DDX60: variants seen among roughly 807,000 people sequenced by gnomAD.
DDX60 encodes the protein probable ATP-dependent RNA helicase DDX60.
A neutral mutation model predicts 212.8 loss-of-function variants in DDX60; 165 were observed. The observed-to-expected ratio is 0.78, with a 90% confidence interval of 0.68 to 0.88. The LOEUF is 0.88. Ranked by LOEUF, DDX60 falls within the 40% of genes least tolerant of loss-of-function variation. The probability of loss-of-function intolerance (pLI) is 0.00; values close to 1 mark genes in which losing one functional copy is unlikely to be tolerated. For missense variants in DDX60, 1,905 were observed against 2,003.9 expected, an observed-to-expected ratio of 0.95 and a Z score of 0.94; for synonymous variants, 703 against 685.3, an observed-to-expected ratio of 1.03 and a Z score of -0.40.
In DDX60 at chr4:168,285,482, C is replaced by T. The variant is rs1735785161; in HGVS notation, c.1356G>A (p.Met452Ile). 6.2e-7 allele frequency: 1 copy of T among 1,607,966 alleles called. No individual in the cohort carries two copies. The highest frequency in any genetic ancestry group is 1.7e-5 in the Admixed American group (1 of 59,456). Residue 452 changes from methionine (M) to isoleucine (I), a missense_variant, in exon 11 of 38, where the codon ATG (methionine) becomes ATA (isoleucine). Physicochemically the swap from Met to Ile is conservative, Grantham distance 10. Coordinates refer to ENST00000393743, the MANE Select transcript of DDX60 (RefSeq NM_017631.6). Reference protein sequence around the residue: ...PSPIKDSSNEMVPNLGFIPTS... With the variant: ...PSPIKDSSNEIVPNLGFIPTS... ...TTGGAATAAAACCCAAATTGGGCACCATTTCATTGGAGCTGTCTGTAAACA... is the reference window on the plus strand; with the variant it reads ...TTGGAATAAAACCCAAATTGGGCACTATTTCATTGGAGCTGTCTGTAAACA...
intron 27 of DDX60, among the ~76,000 whole-genome samples, chr4:168,251,449 G>A (rs946673366): frequency 5.9e-5 from 9 of 152,232 alleles, no homozygotes; most frequent in African/African-American, 2.2e-4. Context: ...CCCCAACAGG[G>A]AGAATTCTCC....
At chr4:168,262,638 A>G (rs6552581) in intron 23 of DDX60, 45 bp downstream of exon 23, 805,893 of 1,305,494 alleles carry the variant, frequency 0.62, 254,884 homozygotes, top group African/African-American at 0.92. Flanking sequence ...GTTTGTCAAT[A>G]TTATCATCCT....
At chr4:168,217,143 T>C (rs1214527834) in intron 37 of DDX60, 111 bp from the exon 38 acceptor site, 1 of 645,892 alleles carries the variant, frequency 1.5e-6, no homozygotes, top group Non-Finnish European at 2.7e-6. Context: ...GATGAAATTA[T>C]GTTAGCAAAA....
Position 168,285,451 on chromosome 4 carries a change from A to G in DDX60, c.1387T>C (p.Ser463Pro). Residue 463 changes from serine to proline, a missense_variant, in exon 11 of 38, where the codon TCT (serine) becomes CCT (proline). Coordinates refer to ENST00000393743, the MANE Select transcript of DDX60 (RefSeq NM_017631.6). ...CCAGCAAATTTATCAACCACAAAAG[A>G]TGACGTTGGAATAAAACCCAAATTG... ...VPNLGFIPTS[S>P]FVVDKFAGDI... The G allele has an allele frequency of 6.2e-7, 1 of 1,611,332 alleles. No individual in the cohort carries two copies. Among genetic ancestry groups the G allele is most frequent in the Non-Finnish European group, 8.5e-7 (1 of 1,179,254 alleles).
chr4:168,283,687 T>C, intron 12 of DDX60, 81 bp from the exon 13 acceptor site: 2 of 1,014,612 alleles, frequency 2.0e-6, no homozygotes, highest in Non-Finnish European at 1.4e-6. Flanking sequence ...TTATTCCACA[T>C]CCAGTAGTTA....
intron 6 of DDX60, among the ~76,000 whole-genome samples, chr4:168,298,999 A>G (rs1736529107): frequency 6.6e-6 from 1 of 151,948 alleles, no homozygotes. Flanking sequence ...CGTCTCTACT[A>G]AAAATACAAA....
At chr4:168,233,175 G>T (rs1733515427) in intron 33 of DDX60, among the ~76,000 whole-genome samples, 1 of 152,098 alleles carries the variant, frequency 6.6e-6, no homozygotes, top group African/African-American at 2.4e-5. Context: ...CCTTACTCCT[G>T]TAAGGATGGC....
At chr4:168,245,226 T>C (rs1335529895) in intron 30 of DDX60, among the ~76,000 whole-genome samples, 1 of 151,924 alleles carries the variant, frequency 6.6e-6, no homozygotes, top group African/African-American at 2.4e-5. Flanking sequence ...TGAAATAGAA[T>C]AAAGAAAAAG....
intron 30 of DDX60, among the ~76,000 whole-genome samples, chr4:168,244,639 TG>T (rs1733961093): frequency 6.6e-6 from 1 of 152,000 alleles, no homozygotes; most frequent in Non-Finnish European, 1.5e-5. Flanking sequence ...GCAGGGGAAT[TG>T]CTTGAACCTG....
the DDX60 span, among the ~76,000 whole-genome samples, chr4:168,324,203 T>C: frequency 1.3e-5 from 2 of 152,152 alleles, no homozygotes; most frequent in Non-Finnish European, 2.9e-5. Context: ...CAAAGCATAA[T>C]GGGCAACTGG....
chr4:168,219,050 G>A (rs1732951054), intron 37 of DDX60, among the ~76,000 whole-genome samples: 1 of 151,934 alleles, frequency 6.6e-6, no homozygotes, highest in Admixed American at 6.6e-5. Context: ...GGAGGCCAAG[G>A]CGGGTGGATT....
chr4:168,284,900 T>C lies in DDX60; in HGVS notation c.1481A>G (p.Lys494Arg). The change falls in exon 12 of 38, where the codon AAG (lysine) becomes AGG (arginine). Residue 494 changes from lysine (K) to arginine (R), a missense_variant. Physicochemically the swap from Lys to Arg is conservative, Grantham distance 26. Coordinates refer to ENST00000393743, the MANE Select transcript of DDX60 (RefSeq NM_017631.6). ...DPIVTSLVKQ[K>R]EFDELVHWHS... The stretch of plus-strand genomic sequence containing the variant: ...CCAGTGCACAAGTTCATCAAATTCC[T>C]TTTGTTTAACCAGTGAAGTAACAAT... The C allele has an allele frequency of 6.3e-7, 1 of 1,597,610 alleles. No individual in the cohort carries two copies. Among genetic ancestry groups the C allele is most frequent in the Non-Finnish European group, 8.5e-7 (1 of 1,169,902 alleles).
At chr4:168,270,861 T>G (rs890399357) in intron 19 of DDX60, among the ~76,000 whole-genome samples, 7 of 148,344 alleles carry the variant, frequency 4.7e-5, no homozygotes, top group African/African-American at 1.8e-4. Flanking sequence ...ATTCCCCCTT[T>G]TTTTTCTTTC....
Position 168,260,793 on chromosome 4 carries a change from T to C in DDX60, c.3398+72A>G, listed in dbSNP as rs976563398. On this transcript the variant is annotated intron_variant, in intron 25 of 37. Coordinates refer to ENST00000393743, the MANE Select transcript of DDX60 (RefSeq NM_017631.6). The stretch of plus-strand genomic sequence containing the variant: ...CAGTGATGGTCTGTGGCCTGGAGGT[T>C]GGGGACCTCTGCCTTAAAGGAATGA... 3 of 1,343,952 alleles carry C rather than the reference T, an allele frequency of 2.2e-6. No individual in the cohort carries two copies. In the East Asian group the frequency reaches 7.0e-5, roughly 31 times the overall value. 83.3% of individuals were successfully genotyped at this position (1,343,952 alleles called of 1,614,324 possible).
upstream of DDX60, among the ~76,000 whole-genome samples, chr4:168,319,674 C>T (rs1737554137): frequency 6.6e-6 from 1 of 152,102 alleles, no homozygotes; most frequent in East Asian, 1.9e-4. Context: ...CCTTTCAGTG[C>T]CCTCGTATGC....
chr4:168,306,776 G>T, intron 4 of DDX60, 56 bp from the exon 5 acceptor site: 1 of 1,332,436 alleles, frequency 7.5e-7, no homozygotes, highest in Non-Finnish European at 1.1e-6. Context: ...TAATCATTTA[G>T]TTGGCTAACA....
intron 37 of DDX60, among the ~76,000 whole-genome samples, chr4:168,217,535 C>T (rs1732891698): frequency 6.6e-6 from 1 of 152,102 alleles, no homozygotes; most frequent in Non-Finnish European, 1.5e-5. Context: ...CATATATTCC[C>T]CAGAAACCGA....
chr4:168,253,200 A>G (rs1279632790), intron 26 of DDX60, among the ~76,000 whole-genome samples: 1 of 152,058 alleles, frequency 6.6e-6, no homozygotes, highest in African/African-American at 2.4e-5. Flanking sequence ...TCACATATTG[A>G]TATTTTCTGG....
At position 168,311,055 on chromosome 4, in the gene DDX60, A is replaced by C. The variant is rs1737110978; in HGVS notation, c.17T>G (p.Leu6Arg). Reference sequence around the variant, plus strand: ...GGACATTTCCTGTGAAAATGTTGTAAGAACATTTCTTTCTAAATTTAAAAA... The same window carrying C: ...GGACATTTCCTGTGAAAATGTTGTACGAACATTTCTTTCTAAATTTAAAAA... MERNV[L>R]TTFSQEMSQL... The change falls in exon 3 of 38, where the codon CTT becomes CGT. Residue 6 changes from leucine to arginine, a missense_variant. Coordinates refer to ENST00000393743, the MANE Select transcript of DDX60 (RefSeq NM_017631.6). 2.5e-6 allele frequency: 4 copies of C among 1,576,722 alleles called. No individual in the cohort carries two copies. Among genetic ancestry groups the C allele is most frequent in the Non-Finnish European group, 3.5e-6 (4 of 1,151,640 alleles).
Sources: gnomAD v4.1 joint callset for allele counts (sites outside exome capture counted in the v4.1 genomes callset) on GRCh38, gnomAD v4.1.1 for gene constraint, MANE v1.5 for transcripts, NCBI Gene and HGNC (gene_info 2026-07-23, HGNC 2026-07-21) for gene names.